The following SGMS2 variants were observed in gnomAD, a reference collection of about 807,000 sequenced individuals.
SGMS2 encodes the protein phosphatidylcholine:ceramide cholinephosphotransferase 2.
A neutral mutation model predicts 43.8 loss-of-function variants in SGMS2; 21 were observed. The observed-to-expected ratio is 0.48, with a 90% CI of 0.34 to 0.69. The LOEUF is 0.69. Among genes scored for constraint, SGMS2 ranks in the 30% least tolerant of loss-of-function variants. The pLI, the probability that SGMS2 is intolerant of heterozygous loss-of-function variation, is 0.01. For synonymous variants in SGMS2, 167 were observed against 160.6 expected (o/e 1.04, Z -0.30); for missense variants, 384 against 443.2 (o/e 0.87, Z 1.20).
chr4:107,872,616 G>T (rs1728629002), intron 2 of SGMS2, among the ~76,000 whole-genome samples: 1 of 152,038 alleles, frequency 6.6e-6, no homozygotes, highest in South Asian at 2.1e-4. Flanking sequence ...GCTGCAGTAA[G>T]CTATGATTGT....
chr4:107,890,835 C>G (rs1448085867), intron 2 of SGMS2, among the ~76,000 whole-genome samples: 1 of 152,088 alleles, frequency 6.6e-6, no homozygotes, highest in Admixed American at 6.6e-5. Context: ...AAAAACAACT[C>G]TTTAAATCTC....
At chr4:107,908,884 A>G (rs562963918) in intron 6 of SGMS2, among the ~76,000 whole-genome samples, 153 bp downstream of exon 6, 16 of 152,340 alleles carry the variant, frequency 1.1e-4, no homozygotes, top group African/African-American at 3.6e-4. Flanking sequence ...AATAAAGCAA[A>G]GAACTTCACA....
At chr4:107,885,501 C>G (rs570934932) in intron 2 of SGMS2, among the ~76,000 whole-genome samples, 17 of 152,190 alleles carry the variant, frequency 1.1e-4, no homozygotes, top group Admixed American at 1.0e-3. Flanking sequence ...GTTCTAATAC[C>G]TAGTGGGAAA....
intron 1 of SGMS2, among the ~76,000 whole-genome samples, chr4:107,846,940 G>A (rs1365421974): frequency 6.6e-6 from 1 of 151,946 alleles, no homozygotes; most frequent in East Asian, 1.9e-4. Flanking sequence ...CATATCCTTT[G>A]CCCACTTTTT....
At chr4:107,861,035 C>T (rs888506129) in intron 2 of SGMS2, among the ~76,000 whole-genome samples, 2 of 152,192 alleles carry the variant, frequency 1.3e-5, no homozygotes, top group Non-Finnish European at 2.9e-5. Context: ...AGACTGCAAG[C>T]TTTGTGAGGC....
Position 107,899,568 on chromosome 4 carries a change from C to T in SGMS2, c.456-7C>T, listed in dbSNP as rs1361573658. 4.4e-6 allele frequency: 7 copies of T among 1,591,990 alleles called. No homozygotes were observed. In the Admixed American group the frequency reaches 7.3e-5, roughly 17 times the overall value. On this transcript the variant is annotated splice_region_variant and splice_polypyrimidine_tract_variant and intron_variant, in intron 3 of 6. Coordinates refer to ENST00000690982, the MANE Select transcript of SGMS2 (RefSeq NM_001375905.1). ...TTGTTTTTCCCCATCCCTATTTTTTCTTTTAGGTCAATAGTGGGACGCAGA... is the reference window on the plus strand; with the variant it reads ...TTGTTTTTCCCCATCCCTATTTTTTTTTTTAGGTCAATAGTGGGACGCAGA...
At chr4:107,866,291 A>G (rs1728111193) in intron 2 of SGMS2, among the ~76,000 whole-genome samples, 3 of 152,146 alleles carry the variant, frequency 2.0e-5, no homozygotes, top group East Asian at 3.8e-4. Flanking sequence ...TTGGCTGGGC[A>G]TTGTGGCTCA....
chr4:107,838,952 A>G (rs926890278), intron 1 of SGMS2, among the ~76,000 whole-genome samples: 1 of 152,052 alleles, frequency 6.6e-6, no homozygotes, highest in African/African-American at 2.4e-5. Flanking sequence ...CCAGAATTAC[A>G]TCACTCCCTC....
intron 3 of SGMS2, among the ~76,000 whole-genome samples, chr4:107,896,590 C>T (rs945997398): frequency 2.0e-5 from 3 of 152,116 alleles, no homozygotes; most frequent in Non-Finnish European, 2.9e-5. Context: ...GAGTTTAGAA[C>T]CAGATCCATG....
At chr4:107,845,638 A>G (rs1578517614) in intron 1 of SGMS2, among the ~76,000 whole-genome samples, 1 of 152,204 alleles carries the variant, frequency 6.6e-6, no homozygotes, top group Non-Finnish European at 1.5e-5. Flanking sequence ...GGGCACTATT[A>G]AAGTGAATCT....
intron 5 of SGMS2, 66 bp downstream of exon 5, chr4:107,903,452 T>C: frequency 6.8e-7 from 1 of 1,472,352 alleles, no homozygotes; most frequent in Admixed American, 1.7e-5. Flanking sequence ...GCCCTGAAAT[T>C]GATAGGAGCC....
At chr4:107,854,934 C>A (rs1727337244) in intron 1 of SGMS2, among the ~76,000 whole-genome samples, 1 of 152,114 alleles carries the variant, frequency 6.6e-6, no homozygotes, top group Non-Finnish European at 1.5e-5. Flanking sequence ...TCCTGAGGAA[C>A]AAAATATGGT....
rs1578494251 is a variant in SGMS2 at position 107,831,537 on chromosome 4, G to C, written c.-327+6284G>C. On this transcript the variant is annotated intron_variant, in intron 1 of 6. Transcript: ENST00000690982. ...CATTGAGAGTAATGCCTGCTTCATG[G>C]TAAATATTCAAGGGCTCAGCAATCA... Among the ~76,000 whole-genome samples the C allele has an allele frequency of 3.3e-5, 5 of 152,314 alleles. 2 individuals are homozygous for C. In the South Asian group the frequency reaches 1.0e-3, roughly 32 times the overall value.
chr4:107,843,294 G>T (rs1726625733), intron 1 of SGMS2, among the ~76,000 whole-genome samples: 1 of 151,812 alleles, frequency 6.6e-6, no homozygotes, highest in Non-Finnish European at 1.5e-5. Context: ...TGAATCATTT[G>T]TTCTCAAAAA....
chr4:107,863,539 A>G (rs752984988), intron 2 of SGMS2: 10 of 152,188 alleles, frequency 6.6e-5, no homozygotes, highest in Non-Finnish European at 1.3e-4. Context: ...TTTTAACCAT[A>G]ACATCATTTA....
intron 2 of SGMS2, among the ~76,000 whole-genome samples, chr4:107,878,846 G>C (rs1219050123): frequency 6.6e-6 from 1 of 152,170 alleles, no homozygotes; most frequent in East Asian, 1.9e-4. Flanking sequence ...TCTAAAAAAA[G>C]AAGCCAGATT....
At chr4:107,832,746 G>C (rs1458768385) in intron 1 of SGMS2, among the ~76,000 whole-genome samples, 1 of 152,216 alleles carries the variant, frequency 6.6e-6, no homozygotes, top group Non-Finnish European at 1.5e-5. Flanking sequence ...GACATTGATA[G>C]ACTGGGTACT....
At chr4:107,838,251 G>A (rs1199066296) in intron 1 of SGMS2, among the ~76,000 whole-genome samples, 4 of 152,174 alleles carry the variant, frequency 2.6e-5, no homozygotes, top group Admixed American at 2.6e-4. Context: ...TTAAAGAGTT[G>A]AGTAAGATGA....
Position 107,908,586 on chromosome 4 carries a change from G to A in SGMS2, c.749G>A (p.Trp250Ter). 1 of 1,613,780 alleles carries A rather than the reference G, an allele frequency of 6.2e-7. No homozygotes were observed. The highest frequency in any genetic ancestry group is 8.5e-7 in the Non-Finnish European group (1 of 1,179,874). The change falls in exon 6 of 7, where the codon TGG (tryptophan) becomes TAG (stop). Residue 250 changes from tryptophan (W) to a stop codon, truncating the protein, a stop_gained. Transcript: ENST00000690982. LOFTEE classifies it high-confidence loss of function. ...CCAGATTCGCCTCGTCACTTCTGGTGGTATCATTTAATCTGCTGGCTGCTG... is the reference window on the plus strand; with the variant it reads ...CCAGATTCGCCTCGTCACTTCTGGTAGTATCATTTAATCTGCTGGCTGCTG... Reference protein sequence around the residue: ...IKEYSPRHFWWYHLICWLLSA... With the variant: ...IKEYSPRHFW
Sources: gnomAD v4.1 joint callset for allele counts (sites outside exome capture counted in the v4.1 genomes callset) on GRCh38, gnomAD v4.1.1 for gene constraint, MANE v1.5 for transcripts, NCBI Gene and HGNC (gene_info 2026-07-23, HGNC 2026-07-21) for gene names.